Variants in CCDC192 observed in about 807,000 individuals in gnomAD.
CCDC192 encodes coiled-coil domain-containing protein 192.
intron 6 of CCDC192, among the ~76,000 whole-genome samples, chr5:127,901,841 TTTTGTATTCTGCAACTTTAA>T (rs1488564033): frequency 1.3e-5 from 2 of 152,216 alleles, no homozygotes; most frequent in Non-Finnish European, 2.9e-5. Context: ...TGCAACTTTA[TTTTGTATTCTGCAACTTTAA>T]TAAGATCTTT....
intron 3 of CCDC192, among the ~76,000 whole-genome samples, chr5:127,766,497 C>T (rs1235469934): frequency 6.6e-6 from 1 of 150,824 alleles, no homozygotes; most frequent in Non-Finnish European, 1.5e-5. Context: ...ATTTTAATTT[C>T]AGGCCATGGG....
At chr5:127,847,336 C>T (rs1025876454) in intron 5 of CCDC192, among the ~76,000 whole-genome samples, 3 of 152,168 alleles carry the variant, frequency 2.0e-5, no homozygotes, top group Non-Finnish European at 4.4e-5. Flanking sequence ...GAAGCTTCTT[C>T]CCTTGAAATT....
At chr5:127,737,759 CT>C (rs974785676) in intron 2 of CCDC192, among the ~76,000 whole-genome samples, 4 of 151,218 alleles carry the variant, frequency 2.6e-5, no homozygotes, top group African/African-American at 9.8e-5. Flanking sequence ...CAACCCCTGC[CT>C]TTTTTTGTTT....
intron 6 of CCDC192, among the ~76,000 whole-genome samples, chr5:127,892,183 A>G (rs1438780730): frequency 6.6e-5 from 10 of 152,248 alleles, no homozygotes; most frequent in African/African-American, 1.4e-4. Context: ...TGCTTATGTC[A>G]TAATCAAATT....
chr5:127,794,390 C>T (rs1372692103), intron 3 of CCDC192, among the ~76,000 whole-genome samples: 2 of 152,144 alleles, frequency 1.3e-5, no homozygotes, highest in Non-Finnish European at 2.9e-5. Flanking sequence ...ACTTCTTTAT[C>T]TGCAAAATGG....
intron 5 of CCDC192, among the ~76,000 whole-genome samples, chr5:127,859,754 A>G (rs1400843556): frequency 1.3e-5 from 2 of 151,928 alleles, no homozygotes; most frequent in African/African-American, 4.8e-5. Context: ...CATATTTTTC[A>G]TCTCTTCATT....
At chr5:127,775,479 T>C (rs1755804422) in intron 3 of CCDC192, among the ~76,000 whole-genome samples, 1 of 152,210 alleles carries the variant, frequency 6.6e-6, no homozygotes, top group Non-Finnish European at 1.5e-5. Flanking sequence ...CCAACTCCAG[T>C]GCTTTTCTGT....
intron 2 of CCDC192, among the ~76,000 whole-genome samples, chr5:127,713,824 A>T (rs964653685): frequency 1.4e-4 from 21 of 152,192 alleles, no homozygotes; most frequent in African/African-American, 5.1e-4. Context: ...CATATCTATT[A>T]CGTCAGACAT....
At chr5:127,890,328 C>T (rs1176201221) in intron 6 of CCDC192, among the ~76,000 whole-genome samples, 1 of 151,962 alleles carries the variant, frequency 6.6e-6, no homozygotes, top group Non-Finnish European at 1.5e-5. Flanking sequence ...AGTGAGATGT[C>T]ATTTTGTGAC....
intron 5 of CCDC192, among the ~76,000 whole-genome samples, chr5:127,799,942 T>C (rs1757388975): frequency 6.6e-6 from 1 of 152,174 alleles, no homozygotes; most frequent in Non-Finnish European, 1.5e-5. Flanking sequence ...AAGTGGATTA[T>C]GTATTTTCTA....
At chr5:127,752,277 T>A (rs1468912683) in intron 2 of CCDC192, among the ~76,000 whole-genome samples, 9 of 152,262 alleles carry the variant, frequency 5.9e-5, no homozygotes, top group Admixed American at 2.6e-4. Context: ...ATGGTGATGT[T>A]CAGATGGGTT....
intron 5 of CCDC192, among the ~76,000 whole-genome samples, chr5:127,805,228 C>T (rs959567063): frequency 6.6e-6 from 1 of 152,146 alleles, no homozygotes; most frequent in African/African-American, 2.4e-5. Context: ...TGCTCCCACC[C>T]ACATCATGTC....
chr5:127,846,492 G>T (rs1483608953), intron 5 of CCDC192, among the ~76,000 whole-genome samples: 1 of 151,760 alleles, frequency 6.6e-6, no homozygotes, highest in Non-Finnish European at 1.5e-5. Flanking sequence ...ATTTTGAGAA[G>T]GAGTTTCACT....
Position 127,719,546 on chromosome 5 carries a change from T to TACACACACACACACACACAC in CCDC192, c.114+11787_114+11788insCACACACACACACACACACA, listed in dbSNP as rs1561445022. 3.3e-4 allele frequency among the ~76,000 whole-genome samples: 11 copies of TACACACACACACACACACAC among 33,178 alleles called. No homozygotes were observed. The East Asian group carries it at 3.5e-3, about 11-fold the overall frequency. 21.8% of individuals were successfully genotyped at this position (33,178 alleles called of 152,430 possible). A position where few individuals can be genotyped will look rare whatever the true frequency, so the allele number is the denominator to read the frequency against. ...ATATACACACATACATATATATATA[T>TACACACACACACACACACAC]ATATATATATATACACACATACATA... is the stretch of plus-strand genomic sequence containing the variant. On this transcript the variant is annotated intron_variant, in intron 2 of 6. Transcript: ENST00000514853.
At chr5:127,724,074 G>A (rs547337710) in intron 2 of CCDC192, among the ~76,000 whole-genome samples, 1 of 152,292 alleles carries the variant, frequency 6.6e-6, no homozygotes, top group South Asian at 2.1e-4. Context: ...AACACAGAAA[G>A]ATGACAAGAT....
At chr5:127,899,775 C>T (rs1181668095) in intron 6 of CCDC192, among the ~76,000 whole-genome samples, 1 of 152,130 alleles carries the variant, frequency 6.6e-6, no homozygotes, top group African/African-American at 2.4e-5. Context: ...TCAAAACAAC[C>T]TGCATGTTTA....
At chr5:127,920,337 CAAT>C (rs1480960195) in intron 6 of CCDC192, among the ~76,000 whole-genome samples, 12 of 150,142 alleles carry the variant, frequency 8.0e-5, no homozygotes, top group Admixed American at 1.3e-4. Context: ...TTATCATCAT[CAAT>C]GATGATGATC....
At chr5:127,936,904 A>G (rs1318256989) in intron 6 of CCDC192, among the ~76,000 whole-genome samples, 4 of 152,184 alleles carry the variant, frequency 2.6e-5, no homozygotes, top group African/African-American at 4.8e-5. Flanking sequence ...TTGGGGACAC[A>G]CATCACTTCC....
intron 3 of CCDC192, among the ~76,000 whole-genome samples, chr5:127,795,985 G>A (rs562107626): frequency 6.6e-6 from 1 of 152,206 alleles, no homozygotes; most frequent in African/African-American, 2.4e-5. Context: ...TTCGTAACAT[G>A]TGTGTTCCCT....
Sources: allele counts gnomAD v4.1 joint callset (sites outside exome capture counted in the v4.1 genomes callset), GRCh38; gene constraint gnomAD v4.1.1; transcripts MANE v1.5; gene names NCBI Gene and HGNC (gene_info 2026-07-23, HGNC 2026-07-21).